The following RIMS1 variants were observed in gnomAD, a reference collection of about 807,000 sequenced individuals.
RIMS1 encodes regulating synaptic membrane exocytosis 1, also known as regulating synaptic membrane exocytosis protein 1.
Under a neutral mutation model 214.1 loss-of-function variants are expected in RIMS1, and 83 were observed. That is an observed-to-expected ratio of 0.39 (90% CI 0.32 to 0.47). The LOEUF (loss-of-function observed/expected upper bound fraction) is 0.47, where lower values mean the gene tolerates loss of function less well. RIMS1 is among the 20% of genes least tolerant of loss of function. The pLI is 0.99. For missense variants in RIMS1, 2,050 were observed against 2,161.8 expected (o/e 0.95, Z 1.03); for synonymous variants, 793 against 786.8 (o/e 1.01, Z -0.13).
intron 2 of RIMS1, among the ~76,000 whole-genome samples, chr6:71,985,832 T>G (rs1226827078): frequency 6.6e-6 from 1 of 152,196 alleles, no homozygotes. Flanking sequence ...TACATGTATA[T>G]GTATGGACAC....
chr6:72,113,121 G>C (rs2036433314), intron 4 of RIMS1, among the ~76,000 whole-genome samples: 1 of 152,130 alleles, frequency 6.6e-6, no homozygotes, highest in Non-Finnish European at 1.5e-5. Context: ...AGTGTGCAGA[G>C]TCATGGTATA....
intron 1 of RIMS1, among the ~76,000 whole-genome samples, chr6:71,936,835 G>C (rs1784600557): frequency 6.6e-6 from 1 of 152,246 alleles, no homozygotes; most frequent in Non-Finnish European, 1.5e-5. Flanking sequence ...TGTGTGTACA[G>C]TAGAATTAGA....
At chr6:72,323,396 G>T (rs1206500141) in intron 28 of RIMS1, among the ~76,000 whole-genome samples, 1 of 151,852 alleles carries the variant, frequency 6.6e-6, no homozygotes, top group Non-Finnish European at 1.5e-5. Flanking sequence ...AAGGAGGATG[G>T]ATTATTTAAC....
intron 7 of RIMS1, among the ~76,000 whole-genome samples, chr6:72,234,334 T>C (rs546146874): frequency 6.6e-6 from 1 of 152,120 alleles, no homozygotes; most frequent in East Asian, 1.9e-4. Flanking sequence ...AATTGCATCA[T>C]GCTGCAACCA....
At chr6:72,361,971 G>A (rs2097844612) in intron 29 of RIMS1, among the ~76,000 whole-genome samples, 1 of 95,972 alleles carries the variant, frequency 1.0e-5, no homozygotes, top group South Asian at 3.8e-4. Context: ...GACCATTACT[G>A]TATTGTATTG....
At chr6:72,041,249 C>T (rs1821355429) in intron 2 of RIMS1, among the ~76,000 whole-genome samples, 1 of 151,866 alleles carries the variant, frequency 6.6e-6, no homozygotes, top group Non-Finnish European at 1.5e-5. Flanking sequence ...TGCATTCTGG[C>T]CATGAAGAAA....
chr6:71,945,238 A>G (rs922963030), intron 1 of RIMS1, among the ~76,000 whole-genome samples: 1 of 152,178 alleles, frequency 6.6e-6, no homozygotes, highest in Admixed American at 6.5e-5. Context: ...GAATAAGGAG[A>G]AAGAATTCTG....
intron 4 of RIMS1, among the ~76,000 whole-genome samples, chr6:72,141,565 G>A (rs990477213): frequency 6.6e-6 from 1 of 151,808 alleles, no homozygotes; most frequent in Admixed American, 6.6e-5. Context: ...GTACTCAGAA[G>A]AATAAAACTT....
At chr6:72,369,192 A>G (rs1484556159) in intron 29 of RIMS1, among the ~76,000 whole-genome samples, 1 of 151,804 alleles carries the variant, frequency 6.6e-6, no homozygotes, top group Non-Finnish European at 1.5e-5. Context: ...TACCAAGCCA[A>G]TTGAAATGAT....
intron 4 of RIMS1, among the ~76,000 whole-genome samples, chr6:72,141,604 T>C (rs1306684912): frequency 1.3e-5 from 2 of 151,808 alleles, no homozygotes; most frequent in Non-Finnish European, 2.9e-5. Context: ...ATAAGGAGAG[T>C]CCTAATTAAT....
At chr6:72,340,843 GA>G (rs2097055715) in intron 29 of RIMS1, among the ~76,000 whole-genome samples, 1 of 152,016 alleles carries the variant, frequency 6.6e-6, no homozygotes, top group South Asian at 2.1e-4. Flanking sequence ...GCTTGATGGG[GA>G]TGGCATTGAA....
At chr6:72,207,731 G>A (rs1258278856) in intron 6 of RIMS1, among the ~76,000 whole-genome samples, 5 of 152,058 alleles carry the variant, frequency 3.3e-5, no homozygotes, top group African/African-American at 1.2e-4. Context: ...TTGCTGCCAA[G>A]GCTGAGGAAA....
At chr6:72,192,347 C>T (rs2050205250) in intron 6 of RIMS1, among the ~76,000 whole-genome samples, 1 of 152,156 alleles carries the variant, frequency 6.6e-6, no homozygotes, top group Non-Finnish European at 1.5e-5. Context: ...GGCTGGAGGT[C>T]TCCCTGGGGA....
chr6:72,080,074 TAAAAAAAAAAAAAAAAAAAA>T (rs770845471), intron 2 of RIMS1, among the ~76,000 whole-genome samples: 1 of 22,400 alleles, frequency 4.5e-5, no homozygotes, highest in Non-Finnish European at 8.6e-5. Context: ...GTGTCTCTAC[TAAAAAAAAAAAAAAAAAAAA>T]AAAAAAAAAA....
chr6:72,094,907 A>T (rs797012526), intron 2 of RIMS1, among the ~76,000 whole-genome samples: 49 of 151,528 alleles, frequency 3.2e-4, no homozygotes, highest in African/African-American at 1.1e-3. Context: ...TTCCTTGGTT[A>T]GATATATTTC....
At chr6:72,275,971 C>T (rs560837153) in intron 23 of RIMS1, among the ~76,000 whole-genome samples, 3 of 152,296 alleles carry the variant, frequency 2.0e-5, no homozygotes, top group African/African-American at 7.2e-5. Context: ...CTTTGAGATG[C>T]CAGGGCCAAG....
At chr6:72,003,279 C>A (rs1260316900) in intron 2 of RIMS1, among the ~76,000 whole-genome samples, 2 of 152,158 alleles carry the variant, frequency 1.3e-5, no homozygotes, top group Non-Finnish European at 2.9e-5. Flanking sequence ...TAGCACTGGA[C>A]ACCCTTACCT....
chr6:72,230,232 G>A (rs1322252535), intron 6 of RIMS1, among the ~76,000 whole-genome samples: 1 of 151,674 alleles, frequency 6.6e-6, no homozygotes, highest in African/African-American at 2.4e-5. Flanking sequence ...GTGTTGCTGT[G>A]AGCCAATCTT....
chr6:72,318,353 G>T (rs1287914083), intron 28 of RIMS1, among the ~76,000 whole-genome samples: 1 of 151,578 alleles, frequency 6.6e-6, no homozygotes, highest in Non-Finnish European at 1.5e-5. Context: ...AAATTATGCA[G>T]TTTCTGTGAT....
Sources: allele counts gnomAD v4.1 joint callset (sites outside exome capture counted in the v4.1 genomes callset), GRCh38; gene constraint gnomAD v4.1.1; transcripts MANE v1.5; gene names NCBI Gene and HGNC (gene_info 2026-07-23, HGNC 2026-07-21).